The following HPCAL1 variants were observed in gnomAD, a reference collection of about 807,000 sequenced individuals.
The protein encoded by HPCAL1 is hippocalcin like 1.
A neutral mutation model predicts 17.1 loss-of-function variants in HPCAL1; 8 were observed. That is an observed-to-expected ratio of 0.47 (90% CI 0.27 to 0.84). The LOEUF (loss-of-function observed/expected upper bound fraction) is 0.84, where lower values mean the gene tolerates loss of function less well. Among genes scored for constraint, HPCAL1 ranks in the 40% least tolerant of loss-of-function variants. The pLI is 0.13. For synonymous variants in HPCAL1, 112 were observed against 111.4 expected, an observed-to-expected ratio of 1.01 and a Z score of -0.03; for missense variants, 165 against 271.1, an observed-to-expected ratio of 0.61 and a Z score of 2.75.
intron 1 of HPCAL1, among the ~76,000 whole-genome samples, chr2:10,328,145 A>G (rs561242099): frequency 6.6e-6 from 1 of 152,304 alleles, no homozygotes; most frequent in African/African-American, 2.4e-5. Flanking sequence ...TCTCCTTTGT[A>G]TCCCCAGGAA....
chr2:10,313,833 A>G (rs1463771143), intron 1 of HPCAL1, among the ~76,000 whole-genome samples: 1 of 152,246 alleles, frequency 6.6e-6, no homozygotes, highest in Non-Finnish European at 1.5e-5. Flanking sequence ...ATTGACTGCA[A>G]AAAAATGAAA....
chr2:10,405,717 G>A (rs1254195978), intron 2 of HPCAL1, among the ~76,000 whole-genome samples: 4 of 152,324 alleles, frequency 2.6e-5, no homozygotes, highest in Non-Finnish European at 5.9e-5. Flanking sequence ...ATCACCAGGC[G>A]TCATCAGCAC....
chr2:10,421,195 C>G (rs1233820337), intron 3 of HPCAL1, among the ~76,000 whole-genome samples: 2 of 152,236 alleles, frequency 1.3e-5, no homozygotes, highest in Non-Finnish European at 2.9e-5. Context: ...AAAACTGAAG[C>G]ATTAACGATC....
chr2:10,368,450 CCT>C (rs1666999704), intron 1 of HPCAL1, among the ~76,000 whole-genome samples: 1 of 152,168 alleles, frequency 6.6e-6, no homozygotes, highest in African/African-American at 2.4e-5. Context: ...GTGGTTCCCA[CCT>C]CTCTGTTCCC....
rs565227561 is a variant in HPCAL1, at chr2:10,322,581, G to C, written c.-111+19404G>C. 7.2e-5 allele frequency among the ~76,000 whole-genome samples: 11 copies of C among 152,328 alleles called. No individual in the cohort carries two copies. The East Asian group carries it at 2.1e-3, about 29-fold the overall frequency. On this transcript the variant is annotated intron_variant, in intron 1 of 4. Coordinates refer to ENST00000307845, the MANE Select transcript of HPCAL1 (RefSeq NM_002149.4). ...GCTGAGGGGCAGCCTGCTGCGAGGG[G>C]TTTCCCTTTCTGAATAAAGAGTCAA...
At chr2:10,380,367 G>A (rs1437858311) in intron 1 of HPCAL1, among the ~76,000 whole-genome samples, 4 of 152,228 alleles carry the variant, frequency 2.6e-5, no homozygotes, top group Non-Finnish European at 4.4e-5. Context: ...TGTAGGGTCT[G>A]CTGGGGCAGG....
At chr2:10,346,214 C>T (rs577675062) in intron 1 of HPCAL1, among the ~76,000 whole-genome samples, 10 of 146,576 alleles carry the variant, frequency 6.8e-5, no homozygotes, top group African/African-American at 1.3e-4. Context: ...GGGGGGGTGA[C>T]GGGGAGAAAG....
intron 1 of HPCAL1, among the ~76,000 whole-genome samples, chr2:10,309,161 A>T (rs114666002): frequency 0.018 from 2,680 of 152,146 alleles, 73 homozygotes; most frequent in African/African-American, 0.061. Flanking sequence ...TAGTCTCCTG[A>T]GTAGCTAGGA....
In HPCAL1 at chr2:10,364,277, G is replaced by T. The variant is rs556590202; in HGVS notation, c.-110-32558G>T. ...CTGCCTGGCATCCGGGGGTCCCTCC[G>T]GGAAGCTGAGGTTGTTTTCTTGAAC... On this transcript the variant is annotated intron_variant, in intron 1 of 4. Coordinates refer to ENST00000307845, the MANE Select transcript of HPCAL1 (RefSeq NM_002149.4). 1.7e-4 allele frequency among the ~76,000 whole-genome samples: 26 copies of T among 152,312 alleles called. No individual in the cohort carries two copies. In the East Asian group the frequency reaches 4.6e-3, roughly 27 times the overall value.
intron 2 of HPCAL1, among the ~76,000 whole-genome samples, chr2:10,409,512 G>C (rs957970271): frequency 2.0e-5 from 3 of 152,190 alleles, no homozygotes; most frequent in Non-Finnish European, 2.9e-5. Flanking sequence ...GGCCCGAGTT[G>C]TTTTGAAAAA....
At chr2:10,373,198 T>A (rs1667334622) in intron 1 of HPCAL1, among the ~76,000 whole-genome samples, 1 of 152,152 alleles carries the variant, frequency 6.6e-6, no homozygotes, top group South Asian at 2.1e-4. Flanking sequence ...GAGAGGATGA[T>A]CTGGGAAGGA....
At chr2:10,372,081 T>C (rs1403005888) in intron 1 of HPCAL1, among the ~76,000 whole-genome samples, 1 of 152,284 alleles carries the variant, frequency 6.6e-6, no homozygotes, top group Non-Finnish European at 1.5e-5. Context: ...CCAAACACGT[T>C]GCTTACACGT....
chr2:10,415,204 C>T (rs532008739), intron 2 of HPCAL1, among the ~76,000 whole-genome samples: 12 of 152,308 alleles, frequency 7.9e-5, no homozygotes, highest in African/African-American at 2.6e-4. Context: ...CCCCAGGCCG[C>T]ATGGAGGGCC....
intron 1 of HPCAL1, among the ~76,000 whole-genome samples, chr2:10,306,640 A>G (rs1327097747): frequency 6.6e-6 from 1 of 152,184 alleles, no homozygotes; most frequent in African/African-American, 2.4e-5. Flanking sequence ...TTCTACAAAG[A>G]CTAAAAAATG....
chr2:10,373,663 C>T (rs559157812), intron 1 of HPCAL1, among the ~76,000 whole-genome samples: 1 of 152,112 alleles, frequency 6.6e-6, no homozygotes, highest in Non-Finnish European at 1.5e-5. Context: ...GTTCCTCAGC[C>T]TCCACCGTCC....
intron 2 of HPCAL1, among the ~76,000 whole-genome samples, chr2:10,405,547 C>G (rs1200409022): frequency 2.0e-5 from 3 of 152,276 alleles, no homozygotes; most frequent in Non-Finnish European, 4.4e-5. Context: ...TGTTGCTCAC[C>G]TCTTGGCCTG....
At chr2:10,370,300 G>T (rs1000340177) in intron 1 of HPCAL1, among the ~76,000 whole-genome samples, 1 of 152,272 alleles carries the variant, frequency 6.6e-6, no homozygotes, top group African/African-American at 2.4e-5. Context: ...CAGAGAAGCA[G>T]CCTGTGCTCA....
intron 1 of HPCAL1, among the ~76,000 whole-genome samples, chr2:10,316,383 C>T (rs1663315356): frequency 6.6e-6 from 1 of 152,128 alleles, no homozygotes. Context: ...GGTCTCTAGC[C>T]CCTGTGAATT....
In HPCAL1 at chr2:10,334,695, C is replaced by CTTTTTCTTTTTTTTT. The variant is rs1553342211; in HGVS notation, c.-111+31523_-111+31524insCTTTTTTTTTTTTTT. Among the ~76,000 whole-genome samples the CTTTTTCTTTTTTTTT allele has an allele frequency of 2.0e-3, 295 of 146,412 alleles. 7 individuals carry two copies. The highest frequency in any genetic ancestry group is 7.2e-3 in the African/African-American group (282 of 39,022). ...TAACTGCTGTATACAATTCCATTGA[C>CTTTTTCTTTTTTTTT]TTTTTTTTGAGGCAGGGTCTCGCTC... On this transcript the variant is annotated intron_variant, in intron 1 of 4. Transcript: ENST00000307845.
Sources: gnomAD v4.1 joint callset for allele counts (sites outside exome capture counted in the v4.1 genomes callset) on GRCh38, gnomAD v4.1.1 for gene constraint, MANE v1.5 for transcripts, NCBI Gene and HGNC (gene_info 2026-07-23, HGNC 2026-07-21) for gene names.